LINGO1: variants seen among roughly 807,000 people sequenced by gnomAD.
LINGO1 encodes leucine rich repeat and Ig domain containing 1.
In LINGO1, 11 loss-of-function variants were observed where a neutral mutation model predicts 37.3. The observed-to-expected ratio is 0.29, with a 90% CI of 0.19 to 0.49. LINGO1 has a LOEUF of 0.49. LINGO1 is among the 20% of genes least tolerant of loss of function. LINGO1 has a pLI of 0.99. For missense variants in LINGO1, 585 were observed against 878.2 expected (o/e 0.67, Z 4.22); for synonymous variants, 387 against 403.0 (o/e 0.96, Z 0.48).
intron 3 of LINGO1, among the ~76,000 whole-genome samples, chr15:77,665,641 C>T (rs1424700434): frequency 6.6e-6 from 1 of 152,244 alleles, no homozygotes; most frequent in African/African-American, 2.4e-5. Flanking sequence ...CCACAGCTAG[C>T]TGGCTTAGTC....
chr15:77,774,280 C>G lies in LINGO1; in HGVS notation c.-257+12589G>C, dbSNP rs145935277. 8.7e-4 allele frequency among the ~76,000 whole-genome samples: 133 copies of G among 152,190 alleles called. 3 individuals are homozygous for G. The East Asian group carries it at 0.02, about 23-fold the overall frequency. On this transcript the variant is annotated intron_variant, in intron 1 of 3. Transcript: ENST00000561686. ...AACAGCTGGCACTGGCCTCGCCCAA[C>G]TGCCAGATACCCACTTGGTCCCCAG...
intron 1 of LINGO1, among the ~76,000 whole-genome samples, chr15:77,786,317 G>A (rs1359949807): frequency 1.3e-5 from 2 of 152,160 alleles, no homozygotes; most frequent in African/African-American, 4.8e-5. Flanking sequence ...GTAAGTGGCA[G>A]GGCTGGGACT....
intron 1 of LINGO1, among the ~76,000 whole-genome samples, chr15:77,741,534 G>A (rs2076264285): frequency 6.6e-6 from 1 of 152,166 alleles, no homozygotes; most frequent in Non-Finnish European, 1.5e-5. Flanking sequence ...GCATCCCCAA[G>A]AGCAGCCCTG....
At chr15:77,819,183 C>T (rs1596258838) in intron 1 of LINGO1, 1 of 149,370 alleles carries the variant, frequency 6.7e-6, no homozygotes, top group African/African-American at 2.4e-5. Context: ...GCGCGCGCCG[C>T]GCCGCCGGCG....
chr15:77,660,043 C>T (rs2074954079), intron 3 of LINGO1: 1 of 152,234 alleles, frequency 6.6e-6, no homozygotes, highest in Admixed American at 6.5e-5. Context: ...CACTATGCTC[C>T]AGGAAGAGAT....
chr15:77,756,710 A>T (rs187736982), intron 1 of LINGO1, among the ~76,000 whole-genome samples: 2 of 152,356 alleles, frequency 1.3e-5, no homozygotes, highest in Non-Finnish European at 2.9e-5. Flanking sequence ...TAAGAACATC[A>T]ACATGCTAAC....
intron 2 of LINGO1, among the ~76,000 whole-genome samples, chr15:77,711,294 C>T (rs2075915104): frequency 6.6e-6 from 1 of 152,238 alleles, no homozygotes; most frequent in Non-Finnish European, 1.5e-5. Context: ...TTTGTCCTGT[C>T]TCCCCTATGA....
In LINGO1 at chr15:77,727,208, C is replaced by T. The variant is rs969756499; in HGVS notation, c.-195+7784G>A. Among the ~76,000 whole-genome samples, 4 of 152,196 alleles carry T rather than the reference C, an allele frequency of 2.6e-5. No individual in the cohort carries two copies. The East Asian group carries it at 5.8e-4, about 22-fold the overall frequency. Reference sequence around the variant, plus strand: ...GAATTACCATTCGATCCAGCAATCCCACTTTTGGGTGTGTGTATGTGTGTG... The same window carrying T: ...GAATTACCATTCGATCCAGCAATCCTACTTTTGGGTGTGTGTATGTGTGTG... On this transcript the variant is annotated intron_variant, in intron 2 of 3. Coordinates refer to the LINGO1 transcript ENST00000561686.
upstream of LINGO1, among the ~76,000 whole-genome samples, chr15:77,699,527 C>A (rs75041155): frequency 5.1e-3 from 9 of 1,754 alleles, no homozygotes; most frequent in Admixed American, 0.05. Flanking sequence ...CTATTATCCC[C>A]ACACACAGTA....
chr15:77,619,622 G>A (rs2073854398), intron 1 of LINGO1, among the ~76,000 whole-genome samples: 1 of 151,988 alleles, frequency 6.6e-6, no homozygotes, highest in Non-Finnish European at 1.5e-5. Flanking sequence ...AGGAGTTTGA[G>A]GCTACAGTGA....
chr15:77,616,557 G>A (rs2142492457), intron 1 of LINGO1, among the ~76,000 whole-genome samples: 1 of 152,318 alleles, frequency 6.6e-6, no homozygotes, highest in East Asian at 1.9e-4. Context: ...TGTCACCCAT[G>A]GGGTTCCTGG....
At chr15:77,780,515 C>A (rs184379772) in intron 1 of LINGO1, among the ~76,000 whole-genome samples, 1 of 151,516 alleles carries the variant, frequency 6.6e-6, no homozygotes, top group African/African-American at 2.4e-5. Context: ...GGAGACCTTG[C>A]GGAACATTAA....
upstream of LINGO1, among the ~76,000 whole-genome samples, chr15:77,699,046 C>A (rs2141267902): frequency 1.3e-5 from 2 of 152,200 alleles, no homozygotes; most frequent in Admixed American, 1.3e-4. Context: ...CAGGAAAGGC[C>A]AAGGGCAGCC....
chr15:77,670,087 A>G (rs1596082124), intron 3 of LINGO1, among the ~76,000 whole-genome samples: 1 of 152,236 alleles, frequency 6.6e-6, no homozygotes, highest in African/African-American at 2.4e-5. Context: ...GAGCAATGGA[A>G]GCCAGGCAGA....
At position 77,775,847 on chromosome 15, in the gene LINGO1, A is replaced by G. The variant is rs569230097; in HGVS notation, c.-257+11022T>C. On this transcript the variant is annotated intron_variant, in intron 1 of 3. Transcript: ENST00000561686. ...GCCAGAGGCTGGAGGGTCTCCCCAA[A>G]CCCCACACAGCAGCGGGCACCCCAC... 7.2e-5 allele frequency among the ~76,000 whole-genome samples: 11 copies of G among 151,872 alleles called. 1 individual carries two copies. In the South Asian group the frequency reaches 2.3e-3, roughly 32 times the overall value.
intron 3 of LINGO1, among the ~76,000 whole-genome samples, chr15:77,656,780 C>G (rs2074876099): frequency 6.6e-6 from 1 of 152,226 alleles, no homozygotes; most frequent in South Asian, 2.1e-4. Context: ...GATACATGCC[C>G]TGGACTTTGG....
intron 1 of LINGO1, among the ~76,000 whole-genome samples, chr15:77,785,263 G>A (rs1199728380): frequency 1.3e-5 from 2 of 152,070 alleles, no homozygotes; most frequent in Non-Finnish European, 2.9e-5. Flanking sequence ...CCCTCTCTTG[G>A]CCCTCAAGCA....
chr15:77,670,569 CACAG>C (rs1374633650), intron 3 of LINGO1, among the ~76,000 whole-genome samples: 1 of 152,212 alleles, frequency 6.6e-6, no homozygotes. Flanking sequence ...CAACAGTGAC[CACAG>C]CACCATGTTA....
At chr15:77,674,077 C>A (rs1316762231) in intron 3 of LINGO1, among the ~76,000 whole-genome samples, 7 of 152,148 alleles carry the variant, frequency 4.6e-5, no homozygotes, top group Non-Finnish European at 8.8e-5. Context: ...CCTACACCAA[C>A]CCGCTCCTCT....
Sources: allele counts gnomAD v4.1 joint callset (sites outside exome capture counted in the v4.1 genomes callset), GRCh38; gene constraint gnomAD v4.1.1; transcripts MANE v1.5; gene names NCBI Gene and HGNC (gene_info 2026-07-23, HGNC 2026-07-21).